Variants in PMPCB observed in about 807,000 individuals in gnomAD.
PMPCB encodes the protein mitochondrial-processing peptidase subunit beta.
In PMPCB, 46 loss-of-function variants were observed where a neutral mutation model predicts 61.5. The observed-to-expected ratio is 0.75, with a 90% CI of 0.59 to 0.96. The LOEUF (loss-of-function observed/expected upper bound fraction) is 0.96, where lower values mean the gene tolerates loss of function less well. Ranked by LOEUF, PMPCB falls within the 40% of genes least tolerant of loss-of-function variation. The pLI is 0.00. For missense variants in PMPCB, 590 were observed against 602.4 expected, an observed-to-expected ratio of 0.98 and a Z score of 0.22; for synonymous variants, 191 against 201.6, an observed-to-expected ratio of 0.95 and a Z score of 0.44.
At chr7:103,333,546 T>C (rs1819053136), downstream of PMPCB, among the ~76,000 whole-genome samples, 1 of 152,228 alleles carries the variant, frequency 6.6e-6, no homozygotes, top group African/African-American at 2.4e-5. Context: ...ATTTTAAGCA[T>C]TCATTAAGTT....
downstream of PMPCB, among the ~76,000 whole-genome samples, chr7:103,331,244 C>G (rs931430914): frequency 6.6e-6 from 1 of 152,218 alleles, no homozygotes. Context: ...AGGCGTGAGC[C>G]ACTGTGCCTG....
At chr7:103,326,438 T>C (rs1317317063) in intron 12 of PMPCB, 6 of 1,162,472 alleles carry the variant, frequency 5.2e-6, no homozygotes, top group African/African-American at 3.1e-5. Flanking sequence ...ACAGTGGAAA[T>C]AATCTATAAA....
chr7:103,321,839 C>T, intron 12 of PMPCB: 1 of 1,421,232 alleles, frequency 7.0e-7, no homozygotes, highest in Non-Finnish European at 9.6e-7. Flanking sequence ...CAGAGCGAGA[C>T]CCCATCTAAA....
At chr7:103,298,233 C>CT (rs545826775) in intron 1 of PMPCB, among the ~76,000 whole-genome samples, 52 of 146,340 alleles carry the variant, frequency 3.6e-4, no homozygotes, top group East Asian at 9.9e-4. Context: ...GTTTCCCTCT[C>CT]TTTTTTTTTT....
At chr7:103,332,007 AT>A (rs56703501), downstream of PMPCB, among the ~76,000 whole-genome samples, 103,176 of 134,036 alleles carry the variant, frequency 0.77, 40,295 homozygotes, top group Middle Eastern at 0.88. Context: ...TAAATTTGCT[AT>A]TTTTTTTTTT....
At chr7:103,308,877 G>A (rs1817661126) in intron 7 of PMPCB, 75 bp from the exon 8 acceptor site, 1 of 1,251,392 alleles carries the variant, frequency 8.0e-7, no homozygotes, top group East Asian at 2.7e-5. Context: ...TGGGACTGGT[G>A]ATTTTTTCCT....
At position 103,322,087 on chromosome 7, in the gene PMPCB, A is replaced by G. The variant is rs993295720; in HGVS notation, c.*1432-6844A>G. 6 of 1,594,702 alleles carry G rather than the reference A, an allele frequency of 3.8e-6. No homozygotes were observed. The African/African-American group carries it at 4.1e-5, about 11-fold the overall frequency. On this transcript the variant is annotated intron_variant and NMD_transcript_variant, in intron 12 of 12. Transcript: ENST00000444457. ...TCTAATTCAGCTTGTCTTTGCTTTA[A>G]AAAAAGGGAGTAAAATCATTTTAAT...
downstream of PMPCB, among the ~76,000 whole-genome samples, chr7:103,331,201 G>A (rs986763157): frequency 4.6e-5 from 7 of 151,978 alleles, no homozygotes; most frequent in Admixed American, 6.6e-5. Context: ...CAAGTGATCC[G>A]CCTGCCTCGG....
chr7:103,298,931 TATTG>T (rs1817370749), intron 2 of PMPCB, among the ~76,000 whole-genome samples: 3 of 152,238 alleles, frequency 2.0e-5, no homozygotes, highest in Non-Finnish European at 4.4e-5. Context: ...TGTAGCTTAT[TATTG>T]ATTATTTATT....
intron 12 of PMPCB, among the ~76,000 whole-genome samples, chr7:103,321,765 C>T (rs1199404476): frequency 6.6e-6 from 1 of 152,186 alleles, no homozygotes; most frequent in Non-Finnish European, 1.5e-5. Context: ...AGGAGAATCG[C>T]TCGAACCCGG....
At chr7:103,307,314 G>T (rs1586046225) in intron 6 of PMPCB, among the ~76,000 whole-genome samples, 1 of 152,164 alleles carries the variant, frequency 6.6e-6, no homozygotes, top group South Asian at 2.1e-4. Context: ...AATAGAAAAT[G>T]ATTTTGTAAA....
At chr7:103,344,520 G>A in the PMPCB span, 1 of 1,611,038 alleles carries the variant, frequency 6.2e-7, no homozygotes. Context: ...GGCAGGGGCA[G>A]CTGAGGTGAG....
the PMPCB span, chr7:103,344,243 A>C: frequency 5.3e-6 from 2 of 380,696 alleles, no homozygotes; most frequent in Non-Finnish European, 9.5e-6. Flanking sequence ...ACCGTAGGCA[A>C]GGAGATGCTT....
At chr7:103,306,177 G>T (rs1817570416) in intron 6 of PMPCB, among the ~76,000 whole-genome samples, 4 of 152,054 alleles carry the variant, frequency 2.6e-5, no homozygotes, top group Admixed American at 6.5e-5. Context: ...AGGATGTATA[G>T]CTTTTATTTG....
the PMPCB span, among the ~76,000 whole-genome samples, chr7:103,345,648 G>A: frequency 1.3e-5 from 2 of 150,306 alleles, no homozygotes; most frequent in Non-Finnish European, 1.5e-5. Flanking sequence ...TAGAGACAGG[G>A]TCTCACTATG....
At chr7:103,344,396 G>A in the PMPCB span, 2 of 704,614 alleles carry the variant, frequency 2.8e-6, no homozygotes, top group Non-Finnish European at 4.8e-6. Context: ...TCTAGGGTAG[G>A]ATTACTTTAA....
intron 12 of PMPCB, chr7:103,322,575 T>C (rs2115882888): frequency 1.2e-6 from 2 of 1,603,812 alleles, no homozygotes; most frequent in East Asian, 4.5e-5. Flanking sequence ...TGCTTCTTTC[T>C]TGGCTTTTTC....
At position 103,313,321 on chromosome 7, in the gene PMPCB, A is replaced by G; in HGVS notation, c.*1050A>G. 7 of 1,299,150 alleles carry G rather than the reference A, an allele frequency of 5.4e-6. No individual in the cohort carries two copies. Among genetic ancestry groups the G allele is most frequent in the Non-Finnish European group, 5.8e-6 (6 of 1,026,582 alleles). The allele number at this position is 1,299,150 out of a possible 1,614,324, so 80.5% of individuals were successfully genotyped here. ...AGAAAATAAAATCTCAAAGGCTTTT[A>G]AAACACAATAGTAAAGATCTACCTT... On this transcript the variant is annotated 3_prime_UTR_variant, in exon 13 of 13. Coordinates refer to ENST00000249269, the MANE Select transcript of PMPCB (RefSeq NM_004279.3).
chr7:103,326,024 T>C (rs1586090467), intron 12 of PMPCB, among the ~76,000 whole-genome samples: 1 of 152,070 alleles, frequency 6.6e-6, no homozygotes, highest in Non-Finnish European at 1.5e-5. Flanking sequence ...GATGGAGTCT[T>C]GCTCAGTGTA....
Sources: allele counts gnomAD v4.1 joint callset (sites outside exome capture counted in the v4.1 genomes callset), GRCh38; gene constraint gnomAD v4.1.1; transcripts MANE v1.5; gene names NCBI Gene and HGNC (gene_info 2026-07-23, HGNC 2026-07-21).